Variants in PTPRN2 observed in about 807,000 individuals in gnomAD.
PTPRN2 encodes the protein receptor-type tyrosine-protein phosphatase N2.
A neutral mutation model predicts 118.8 loss-of-function variants in PTPRN2; 74 were observed. That is an observed-to-expected ratio of 0.62 (90% CI 0.52 to 0.76). The LOEUF (loss-of-function observed/expected upper bound fraction) is 0.76, where lower values mean the gene tolerates loss of function less well. PTPRN2 is among the 30% of genes least tolerant of loss of function. The pLI, the probability that PTPRN2 is intolerant of heterozygous loss-of-function variation, is 0.00. For missense variants in PTPRN2, 1,481 were observed against 1,394.4 expected (o/e 1.06, Z -0.99); for synonymous variants, 641 against 608.0 (o/e 1.05, Z -0.80).
chr7:157,863,638 C>T (rs537531254), intron 12 of PTPRN2: 3 of 152,382 alleles, frequency 2.0e-5, no homozygotes, highest in African/African-American at 7.2e-5. Context: ...AATGCGCCCC[C>T]AAGTTCATGT....
chr7:157,739,370 AC>A (rs1800489176), intron 12 of PTPRN2: 2 of 151,948 alleles, frequency 1.3e-5, no homozygotes, highest in South Asian at 4.2e-4. Context: ...CTACTCTCTC[AC>A]CCCGGCATCT....
intron 4 of PTPRN2, among the ~76,000 whole-genome samples, chr7:158,199,472 A>G (rs1826465234): frequency 1.3e-5 from 2 of 152,246 alleles, no homozygotes; most frequent in African/African-American, 4.8e-5. Context: ...GGTAAGCCCA[A>G]AAACAGGGCT....
At chr7:158,503,149 TACTGTGTCCATCAGCC>T (rs577658728) in intron 1 of PTPRN2, among the ~76,000 whole-genome samples, 2,761 of 94,226 alleles carry the variant, frequency 0.029, 1 homozygote, top group East Asian at 0.078. Context: ...GTCCATCAAC[TACTGTGTCCATCAGCC>T]ACTGTGTCCA....
chr7:158,540,454 G>C (rs753956543), intron 1 of PTPRN2, among the ~76,000 whole-genome samples: 63 of 152,218 alleles, frequency 4.1e-4, no homozygotes, highest in Middle Eastern at 6.8e-3. Context: ...AAATGTGGAG[G>C]TGACGTGCTG....
At chr7:157,805,565 A>T (rs546533007) in intron 12 of PTPRN2, among the ~76,000 whole-genome samples, 80 of 152,228 alleles carry the variant, frequency 5.3e-4, no homozygotes, top group African/African-American at 1.9e-3. Flanking sequence ...TTCGACGTAA[A>T]CTCCCGGTTG....
At chr7:157,973,582 T>A (rs923455839) in intron 11 of PTPRN2, among the ~76,000 whole-genome samples, 3 of 152,112 alleles carry the variant, frequency 2.0e-5, no homozygotes, top group African/African-American at 7.2e-5. Flanking sequence ...CACAGCCGGG[T>A]GGGGCTTACC....
intron 1 of PTPRN2, among the ~76,000 whole-genome samples, chr7:158,535,984 G>T (rs1288563058): frequency 1.3e-5 from 2 of 149,066 alleles, no homozygotes; most frequent in Non-Finnish European, 3.0e-5. Flanking sequence ...CATCCAAAAG[G>T]TTGGGACCTT....
intron 6 of PTPRN2, among the ~76,000 whole-genome samples, chr7:158,145,909 G>A (rs1819925641): frequency 6.6e-6 from 1 of 152,178 alleles, no homozygotes; most frequent in Non-Finnish European, 1.5e-5. Context: ...GTGGTTTGGG[G>A]CAAGCTCGCT....
At chr7:157,711,883 G>A (rs1798641823) in intron 12 of PTPRN2, among the ~76,000 whole-genome samples, 1 of 148,872 alleles carries the variant, frequency 6.7e-6, no homozygotes. Context: ...CAACAGGGTA[G>A]ACATCAGGGG....
At chr7:157,769,063 C>T (rs990127436) in intron 12 of PTPRN2, among the ~76,000 whole-genome samples, 1 of 152,194 alleles carries the variant, frequency 6.6e-6, no homozygotes, top group Non-Finnish European at 1.5e-5. Flanking sequence ...TTTTCATGAT[C>T]ATCTTCATTA....
intron 22 of PTPRN2, among the ~76,000 whole-genome samples, chr7:157,542,052 C>T (rs918096277): frequency 2.6e-4 from 40 of 152,288 alleles, no homozygotes; most frequent in African/African-American, 9.4e-4. Context: ...TGTCTGCCTG[C>T]GCCCCGTCTC....
At chr7:157,827,421 G>A (rs1363055206) in intron 12 of PTPRN2, among the ~76,000 whole-genome samples, 4 of 108,414 alleles carry the variant, frequency 3.7e-5, no homozygotes, top group African/African-American at 8.6e-5. Context: ...AGTGTGGGCC[G>A]TGGCTGTCTG....
chr7:158,220,129 A>G (rs1828246357), intron 3 of PTPRN2, among the ~76,000 whole-genome samples: 1 of 152,128 alleles, frequency 6.6e-6, no homozygotes, highest in Admixed American at 6.5e-5. Context: ...AAAACCTTCA[A>G]CAAATTAGGC....
chr7:157,907,870 T>C (rs1797867889), intron 11 of PTPRN2, among the ~76,000 whole-genome samples: 1 of 152,128 alleles, frequency 6.6e-6, no homozygotes, highest in African/African-American at 2.4e-5. Context: ...TCCAGCCCCA[T>C]CCTTTCTGTG....
At chr7:158,547,266 T>A (rs1433268002) in intron 1 of PTPRN2, among the ~76,000 whole-genome samples, 1 of 152,184 alleles carries the variant, frequency 6.6e-6, no homozygotes, top group Non-Finnish European at 1.5e-5. Flanking sequence ...CACTGCCATC[T>A]GTCTCTCAAA....
At chr7:158,328,233 A>AATGGCTTCTGAGGCCCAAGGAAGC (rs1336814792) in intron 2 of PTPRN2, among the ~76,000 whole-genome samples, 12 of 152,202 alleles carry the variant, frequency 7.9e-5, no homozygotes, top group Non-Finnish European at 1.6e-4. Flanking sequence ...GAGAGACAGC[A>AATGGCTTCTGAGGCCCAAGGAAGC]ATGGCTTCTG....
In PTPRN2 at chr7:158,162,869, C is replaced by T. The variant is rs192283162; in HGVS notation, c.910+4062G>A. ...GCAGGTACGCGTGGGTCTTCTCTCCCACTCTCTGAAGACTAAACAGCAAGG... is the reference window on the plus strand; with the variant it reads ...GCAGGTACGCGTGGGTCTTCTCTCCTACTCTCTGAAGACTAAACAGCAAGG... On this transcript the variant is annotated intron_variant, in intron 6 of 22. Coordinates refer to ENST00000389418, the MANE Select transcript of PTPRN2 (RefSeq NM_002847.5). Among the ~76,000 whole-genome samples the T allele has an allele frequency of 6.2e-3, 944 of 152,298 alleles. 7 individuals carry two copies. Among genetic ancestry groups the T allele is most frequent in the African/African-American group, 0.021 (887 of 41,552 alleles).
chr7:157,631,534 TA>T (rs1246296274), intron 14 of PTPRN2, among the ~76,000 whole-genome samples: 1 of 151,068 alleles, frequency 6.6e-6, no homozygotes, highest in African/African-American at 2.4e-5. Flanking sequence ...CTGTCTCTAC[TA>T]AAAATACAAA....
chr7:157,731,653 T>C (rs867830722), intron 12 of PTPRN2, among the ~76,000 whole-genome samples: 12 of 11,670 alleles, frequency 1.0e-3, no homozygotes, highest in Non-Finnish European at 1.5e-3. Flanking sequence ...CCCTTTCCCG[T>C]CCCACGCGCC....
Sources: allele counts gnomAD v4.1 joint callset (sites outside exome capture counted in the v4.1 genomes callset), GRCh38; gene constraint gnomAD v4.1.1; transcripts MANE v1.5; gene names NCBI Gene and HGNC (gene_info 2026-07-23, HGNC 2026-07-21).